ENOX1: variants seen among roughly 807,000 people sequenced by gnomAD.
The protein encoded by ENOX1 is candidate growth-related and time keeping constitutive hydroquinone (NADH) oxidase.
In ENOX1, 42 loss-of-function variants were observed where a neutral mutation model predicts 82.5. That is an observed-to-expected ratio of 0.51 (90% CI 0.40 to 0.66). ENOX1 has a LOEUF of 0.66. ENOX1 is among the 30% of genes least tolerant of loss of function. The pLI is 0.00. For synonymous variants in ENOX1, 271 were observed against 282.2 expected (o/e 0.96, Z 0.40); for missense variants, 608 against 811.6 (o/e 0.75, Z 3.05).
At chr13:43,766,529 T>C (rs778790153) in intron 1 of ENOX1, among the ~76,000 whole-genome samples, 1 of 152,094 alleles carries the variant, frequency 6.6e-6, no homozygotes, top group Non-Finnish European at 1.5e-5. Context: ...TCCGGGACAA[T>C]GGGGTAGCAC....
intron 2 of ENOX1, among the ~76,000 whole-genome samples, chr13:43,614,591 G>A (rs1246364203): frequency 8.7e-6 from 1 of 114,898 alleles, no homozygotes; most frequent in East Asian, 2.5e-4. Context: ...CACTTTCTCT[G>A]TCTTCCTCTC....
chr13:43,445,591 C>G (rs1481836843), intron 3 of ENOX1, among the ~76,000 whole-genome samples: 1 of 152,044 alleles, frequency 6.6e-6, no homozygotes, highest in African/African-American at 2.4e-5. Context: ...GGGCATGGAT[C>G]CTGCTCAGGT....
intron 1 of ENOX1, among the ~76,000 whole-genome samples, chr13:43,745,349 C>A (rs550494547): frequency 6.6e-6 from 1 of 151,994 alleles, no homozygotes; most frequent in African/African-American, 2.4e-5. Context: ...ATGAAAAAAG[C>A]AAAATATAAA....
chr13:43,434,810 G>A (rs1019398334), intron 3 of ENOX1, among the ~76,000 whole-genome samples: 4 of 151,972 alleles, frequency 2.6e-5, no homozygotes, highest in Admixed American at 6.6e-5. Flanking sequence ...GTAAATAAAC[G>A]TTTTGATGGT....
At chr13:43,378,747 C>A (rs1354295405) in intron 5 of ENOX1, among the ~76,000 whole-genome samples, 3 of 152,138 alleles carry the variant, frequency 2.0e-5, no homozygotes, top group African/African-American at 7.2e-5. Flanking sequence ...AAATACCCAG[C>A]ACCTAGCAAG....
chr13:43,242,243 C>T (rs1405864453), intron 14 of ENOX1, among the ~76,000 whole-genome samples: 1 of 152,234 alleles, frequency 6.6e-6, no homozygotes, highest in Non-Finnish European at 1.5e-5. Flanking sequence ...CCATCTGCCT[C>T]ACATCTGCTA....
At chr13:43,240,590 T>C (rs1191498002) in intron 14 of ENOX1, among the ~76,000 whole-genome samples, 1 of 151,972 alleles carries the variant, frequency 6.6e-6, no homozygotes, top group African/African-American at 2.4e-5. Context: ...TCTGGTGACC[T>C]GGTGGCTGAT....
At position 43,322,434 on chromosome 13, in the gene ENOX1, T is replaced by C. The variant is rs1240702487; in HGVS notation, c.1211A>G (p.Asp404Gly). The change falls in exon 11 of 17, where the codon GAT (aspartate) becomes GGT (glycine). Residue 404 changes from aspartate (D) to glycine (G), a missense_variant. Physicochemically the swap from Asp to Gly is moderately conservative, Grantham distance 94 (BLOSUM62 -1). Coordinates refer to ENST00000690772, the MANE Select transcript of ENOX1 (RefSeq NM_001347969.2). ...IRREEEMEMS[D>G]DENCDSPTKK... ...TGTAGGGCTGTCACAGTTCTCATCA[T>C]CAGACATTTCCATTTCTTCTTCGCG... 6.2e-7 allele frequency: 1 copy of C among 1,614,068 alleles called. No individual in the cohort carries two copies. The highest frequency in any genetic ancestry group is 1.7e-5 in the Admixed American group (1 of 60,008).
intron 15 of ENOX1, among the ~76,000 whole-genome samples, chr13:43,228,679 G>C (rs182225304): frequency 6.6e-6 from 1 of 152,206 alleles, no homozygotes; most frequent in Non-Finnish European, 1.5e-5. Flanking sequence ...GATTTGTACT[G>C]CTTCATCACT....
chr13:43,581,277 C>T (rs925813898), intron 2 of ENOX1, among the ~76,000 whole-genome samples: 1 of 148,652 alleles, frequency 6.7e-6, no homozygotes, highest in African/African-American at 2.5e-5. Flanking sequence ...GGACTACAGG[C>T]GCCCGCCACT....
chr13:43,653,491 G>C (rs1488859100), intron 2 of ENOX1, among the ~76,000 whole-genome samples: 1 of 152,078 alleles, frequency 6.6e-6, no homozygotes, highest in East Asian at 1.9e-4. Flanking sequence ...CTAACAACCA[G>C]GGAAAGTACC....
chr13:43,625,607 G>A (rs1048950436), intron 2 of ENOX1, among the ~76,000 whole-genome samples: 1 of 151,860 alleles, frequency 6.6e-6, no homozygotes, highest in African/African-American at 2.4e-5. Flanking sequence ...TGATCACGTG[G>A]CTTCTTTCCT....
intron 1 of ENOX1, among the ~76,000 whole-genome samples, chr13:43,754,968 G>A (rs1950568095): frequency 6.6e-6 from 1 of 151,760 alleles, no homozygotes; most frequent in Non-Finnish European, 1.5e-5. Context: ...TAAAATGCTG[G>A]CTTAACAATG....
chr13:43,755,489 T>A (rs1237357629), intron 1 of ENOX1, among the ~76,000 whole-genome samples: 1 of 152,224 alleles, frequency 6.6e-6, no homozygotes, highest in Non-Finnish European at 1.5e-5. Flanking sequence ...TCTCTCTCTC[T>A]CACTCACTCT....
intron 12 of ENOX1, among the ~76,000 whole-genome samples, chr13:43,284,652 TTTCATTTA>T (rs1244865627): frequency 6.6e-6 from 1 of 152,216 alleles, no homozygotes; most frequent in Non-Finnish European, 1.5e-5. Context: ...TGTGTTGGTC[TTTCATTTA>T]TAAGCGCTAC....
At chr13:43,338,892 A>G (rs558167042) in intron 9 of ENOX1, among the ~76,000 whole-genome samples, 23 of 152,036 alleles carry the variant, frequency 1.5e-4, no homozygotes, top group East Asian at 5.8e-4. Flanking sequence ...TCACCGTGTT[A>G]GCCAGGATGG....
At position 43,269,482 on chromosome 13, in the gene ENOX1, G is replaced by A. The variant is rs1478403725; in HGVS notation, c.1542C>T (p.Val514=). Residue 514 remains valine, a synonymous_variant, in exon 13 of 17, where the codon GTC becomes GTT. Coordinates refer to ENST00000690772, the MANE Select transcript of ENOX1 (RefSeq NM_001347969.2). The stretch of plus-strand genomic sequence containing the variant: ...TTCATTCACTTACTTGTTCCTGCAG[G>A]ACTTTTAGTAACGCTTGTGTATGGG... The part of the protein sequence containing the change: ...EQSHTQALLK[V]LQEQLKGTKE... The A allele has an allele frequency of 6.2e-7, 1 of 1,613,620 alleles. No individual in the cohort carries two copies. The highest frequency in any genetic ancestry group is 8.5e-7 in the Non-Finnish European group (1 of 1,179,606).
chr13:43,568,650 G>A (rs1176151793), intron 2 of ENOX1, among the ~76,000 whole-genome samples: 1 of 149,830 alleles, frequency 6.7e-6, no homozygotes, highest in Non-Finnish European at 1.5e-5. Flanking sequence ...TCTAGCTTCA[G>A]CCTTTCTTTT....
At chr13:43,289,286 G>C (rs2045872125) in intron 12 of ENOX1, among the ~76,000 whole-genome samples, 1 of 152,204 alleles carries the variant, frequency 6.6e-6, no homozygotes, top group South Asian at 2.1e-4. Flanking sequence ...AAAGAACAAA[G>C]CCAGAAGCAT....
Sources: gnomAD v4.1 joint callset for allele counts (sites outside exome capture counted in the v4.1 genomes callset) on GRCh38, gnomAD v4.1.1 for gene constraint, MANE v1.5 for transcripts, NCBI Gene and HGNC (gene_info 2026-07-23, HGNC 2026-07-21) for gene names.